The following ZNF675 variants were observed in gnomAD, a reference collection of about 807,000 sequenced individuals.
The protein encoded by ZNF675 is TRAF6 inhibitory zinc finger.
In ZNF675, 36 loss-of-function variants were observed where a neutral mutation model predicts 56.1. The observed-to-expected ratio is 0.64, with a 90% CI of 0.49 to 0.85. ZNF675 has a LOEUF of 0.85. Ranked by LOEUF, ZNF675 falls within the 40% of genes least tolerant of loss-of-function variation. The pLI is 0.00. For synonymous variants in ZNF675, 200 were observed against 218.9 expected (o/e 0.91, Z 0.76); for missense variants, 663 against 654.2 (o/e 1.01, Z -0.15).
At chr19:23,663,259 T>C in intron 1 of ZNF675, 101 bp from the exon 2 acceptor site, 2 of 1,381,530 alleles carry the variant, frequency 1.4e-6, no homozygotes, top group East Asian at 5.1e-5. Context: ...GGTTCTGATT[T>C]ATAGGAGTGA....
intron 3 of ZNF675, among the ~76,000 whole-genome samples, chr19:23,661,600 G>C (rs764523043): frequency 6.6e-6 from 1 of 151,866 alleles, no homozygotes; most frequent in Non-Finnish European, 1.5e-5. Flanking sequence ...TGAGACAGGA[G>C]AACTACTTAA....
chr19:23,664,718 A>AG (rs1968126180), intron 1 of ZNF675, among the ~76,000 whole-genome samples: 2 of 152,172 alleles, frequency 1.3e-5, no homozygotes, highest in Admixed American at 6.5e-5. Context: ...TGGGAGGCCA[A>AG]AGTGGGCAGA....
At chr19:23,661,276 G>A (rs895097920) in intron 3 of ZNF675, among the ~76,000 whole-genome samples, 9 of 151,990 alleles carry the variant, frequency 5.9e-5, no homozygotes, top group Admixed American at 5.9e-4. Context: ...CTCCCAAAGT[G>A]CTGGGATTAC....
intron 1 of ZNF675, among the ~76,000 whole-genome samples, chr19:23,668,916 A>G (rs1422457435): frequency 1.1e-4 from 16 of 152,096 alleles, no homozygotes; most frequent in Non-Finnish European, 4.4e-5. Flanking sequence ...CTCCCTCCAC[A>G]ACTCCCTACA....
rs779579014 is a variant in ZNF675, at chr19:23,678,017, GTC to G, written c.3+9012_3+9013del. On this transcript the variant is annotated intron_variant, in intron 1 of 3. Transcript: ENST00000359788. Reference sequence around the variant, plus strand: ...TGCCTGCAATCCCAGCTACTCGCGAGTCTGAGGCAGATGAATCACTTGAACCC... The same window carrying G: ...TGCCTGCAATCCCAGCTACTCGCGAGTGAGGCAGATGAATCACTTGAACCC... Among the ~76,000 whole-genome samples the G allele has an allele frequency of 6.9e-4, 104 of 151,612 alleles. 1 individual carries two copies. Among genetic ancestry groups the G allele is most frequent in the Non-Finnish European group, 1.3e-3 (90 of 68,004 alleles).
In ZNF675 at chr19:23,687,075, T is replaced by C. The variant is rs1189373689; in HGVS notation, c.-42A>G. ...GGTCCTGGAGTCTTAGCTGTGGATC[T>C]CTCAATTTCTGCAGGTCACAGGCCC... On this transcript the variant is annotated 5_prime_UTR_variant, in exon 1 of 4. Coordinates refer to ENST00000359788, the MANE Select transcript of ZNF675 (RefSeq NM_138330.3). The C allele has an allele frequency of 6.2e-7, 1 of 1,612,698 alleles. No homozygotes were observed.
At chr19:23,664,771 C>G (rs1021834623) in intron 1 of ZNF675, among the ~76,000 whole-genome samples, 1 of 151,576 alleles carries the variant, frequency 6.6e-6, no homozygotes, top group African/African-American at 2.4e-5. Context: ...GCCAACATGG[C>G]AAAACCCCAT....
intron 1 of ZNF675, among the ~76,000 whole-genome samples, chr19:23,677,153 C>G (rs1377494963): frequency 1.8e-4 from 27 of 151,210 alleles, no homozygotes; most frequent in Admixed American, 1.8e-3. Context: ...CTCACCACTC[C>G]TATTAAACAT....
intron 1 of ZNF675, 83 bp downstream of exon 1, chr19:23,686,948 G>C: frequency 6.5e-7 from 1 of 1,534,290 alleles, no homozygotes; most frequent in South Asian, 1.1e-5. Context: ...ACTGCGGGGA[G>C]GCCTGAGTCC....
At chr19:23,680,122 A>G (rs920391636) in intron 1 of ZNF675, among the ~76,000 whole-genome samples, 4 of 151,512 alleles carry the variant, frequency 2.6e-5, no homozygotes, top group African/African-American at 7.3e-5. Flanking sequence ...TCTGGCCAAC[A>G]TGGTGAAACC....
At chr19:23,669,346 C>A (rs1968198881) in intron 1 of ZNF675, among the ~76,000 whole-genome samples, 1 of 152,094 alleles carries the variant, frequency 6.6e-6, no homozygotes, top group African/African-American at 2.4e-5. Flanking sequence ...CTTAAACCTT[C>A]TTTTCTTTTC....
At chr19:23,684,547 G>A (rs1309523679) in intron 1 of ZNF675, among the ~76,000 whole-genome samples, 2 of 152,106 alleles carry the variant, frequency 1.3e-5, no homozygotes, top group African/African-American at 4.8e-5. Flanking sequence ...AGGAGGCTGA[G>A]GCAGGAGAAT....
chr19:23,683,332 T>C (rs1253433633), intron 1 of ZNF675, among the ~76,000 whole-genome samples: 1 of 151,744 alleles, frequency 6.6e-6, no homozygotes, highest in Non-Finnish European at 1.5e-5. Context: ...CTGCCACAAA[T>C]TTATGGTGCA....
At chr19:23,679,483 T>A (rs1968347259) in intron 1 of ZNF675, among the ~76,000 whole-genome samples, 1 of 151,394 alleles carries the variant, frequency 6.6e-6, no homozygotes, top group African/African-American at 2.4e-5. Flanking sequence ...ACCAGCAAAT[T>A]TTATAATGAA....
intron 2 of ZNF675, 63 bp from the exon 3 acceptor site, chr19:23,662,272 A>G (rs544100243): frequency 8.5e-7 from 1 of 1,174,322 alleles, no homozygotes; most frequent in South Asian, 1.3e-5. Flanking sequence ...CAACCTAGTA[A>G]TGTGCTCAGT....
chr19:23,653,631 G>A lies in ZNF675; in HGVS notation c.1302C>T (p.Asn434=), dbSNP rs1043114853. The change falls in exon 4 of 4, where the codon AAC becomes AAT. Residue 434 remains asparagine (N), a synonymous_variant. Coordinates refer to ENST00000359788, the MANE Select transcript of ZNF675 (RefSeq NM_138330.3). The part of the protein sequence containing the change: ...YKCEECGKAF[N]RSSKLTEHKK... ...TATGTTCAGTAAGTTTTGAGGATCG[G>A]TTAAAAGCTTTGCCACATTCTTCAC... The A allele has an allele frequency of 4.3e-6, 7 of 1,612,252 alleles. No individual in the cohort carries two copies. The highest frequency in any genetic ancestry group is 4.2e-6 in the Non-Finnish European group (5 of 1,179,412).
At chr19:23,684,666 T>C (rs948096525) in intron 1 of ZNF675, among the ~76,000 whole-genome samples, 2 of 151,096 alleles carry the variant, frequency 1.3e-5, no homozygotes, top group African/African-American at 4.9e-5. Context: ...AAAACAGGTG[T>C]GTCTAATTCA....
intron 1 of ZNF675, among the ~76,000 whole-genome samples, chr19:23,678,119 T>TG (rs1419033719): frequency 6.6e-6 from 1 of 151,486 alleles, no homozygotes; most frequent in South Asian, 2.1e-4. Context: ...AAAACTGTCT[T>TG]GGGGGGAAAA....
At chr19:23,671,795 A>G (rs1968229680) in intron 1 of ZNF675, among the ~76,000 whole-genome samples, 1 of 151,882 alleles carries the variant, frequency 6.6e-6, no homozygotes, top group Non-Finnish European at 1.5e-5. Context: ...TATGAAATGG[A>G]AGCAATTAGT....
Sources: allele counts gnomAD v4.1 joint callset (sites outside exome capture counted in the v4.1 genomes callset), GRCh38; gene constraint gnomAD v4.1.1; transcripts MANE v1.5; gene names NCBI Gene and HGNC (gene_info 2026-07-23, HGNC 2026-07-21).